R3HDM1: variants seen among roughly 807,000 people sequenced by gnomAD.
The protein encoded by R3HDM1 is R3H domain containing 1.
Under a neutral mutation model 141.1 loss-of-function variants are expected in R3HDM1, and 46 were observed. That is an observed-to-expected ratio of 0.33 (90% CI 0.26 to 0.42). The LOEUF (loss-of-function observed/expected upper bound fraction) is 0.42, where lower values mean the gene tolerates loss of function less well. R3HDM1 is among the 10% of genes least tolerant of loss of function. R3HDM1 has a pLI of 1.00. For synonymous variants in R3HDM1, 435 were observed against 472.9 expected (o/e 0.92, Z 1.04); for missense variants, 1,184 against 1,368.3 (o/e 0.87, Z 2.12).
At chr2:135,587,870 T>C (rs1708294637) in intron 1 of R3HDM1, among the ~76,000 whole-genome samples, 1 of 151,964 alleles carries the variant, frequency 6.6e-6, no homozygotes, top group Admixed American at 6.6e-5. Context: ...CCTCTTGATT[T>C]ATCTCATCTC....
intron 7 of R3HDM1, 70 bp downstream of exon 7, chr2:135,622,802 A>G: frequency 6.9e-7 from 1 of 1,459,832 alleles, no homozygotes; most frequent in South Asian, 1.4e-5. Context: ...TGTTTTCATT[A>G]TTGAGTTAGA....
intron 21 of R3HDM1, among the ~76,000 whole-genome samples, chr2:135,706,083 T>G (rs1219846953): frequency 6.7e-6 from 1 of 149,546 alleles, no homozygotes; most frequent in African/African-American, 2.5e-5. Context: ...GAGCCAAGAT[T>G]GCGCCACTGC....
intron 1 of R3HDM1, among the ~76,000 whole-genome samples, chr2:135,561,714 G>A (rs565192615): frequency 6.7e-6 from 1 of 148,804 alleles, no homozygotes; most frequent in Admixed American, 6.6e-5. Flanking sequence ...GTGAGGTCCT[G>A]TCTCAAAAAC....
intron 5 of R3HDM1, chr2:135,620,242 A>G: frequency 1.1e-6 from 1 of 933,070 alleles, no homozygotes; most frequent in Non-Finnish European, 1.3e-6. Flanking sequence ...TTGAGTAACC[A>G]GAATAGTAGT....
intron 21 of R3HDM1, among the ~76,000 whole-genome samples, chr2:135,704,470 A>G (rs2074625681): frequency 8.2e-6 from 1 of 122,138 alleles, no homozygotes; most frequent in Non-Finnish European, 1.7e-5. Flanking sequence ...TACAAAATGC[A>G]TGCATGCTTT....
intron 1 of R3HDM1, among the ~76,000 whole-genome samples, chr2:135,577,855 A>T (rs1489244708): frequency 6.6e-6 from 1 of 151,742 alleles, no homozygotes; most frequent in Non-Finnish European, 1.5e-5. Flanking sequence ...AAAAAAAAAA[A>T]AAAAGTGAAA....
chr2:135,671,099 C>T (rs1031207058), intron 19 of R3HDM1, among the ~76,000 whole-genome samples: 2 of 150,450 alleles, frequency 1.3e-5, no homozygotes, highest in Non-Finnish European at 3.0e-5. Flanking sequence ...TAAAAATATT[C>T]AAATAATACC....
chr2:135,553,039 CA>C (rs1700111441), intron 1 of R3HDM1, among the ~76,000 whole-genome samples: 1 of 152,050 alleles, frequency 6.6e-6, no homozygotes, highest in Admixed American at 6.6e-5. Context: ...CCACCGCATC[CA>C]GTTAATTTTT....
intron 21 of R3HDM1, among the ~76,000 whole-genome samples, chr2:135,682,454 TGA>T (rs1398791677): frequency 1.3e-5 from 2 of 152,144 alleles, no homozygotes; most frequent in East Asian, 3.9e-4. Flanking sequence ...TGGATACAGG[TGA>T]GAGAGCATAA....
intron 21 of R3HDM1, among the ~76,000 whole-genome samples, chr2:135,685,511 C>T (rs571931585): frequency 2.6e-5 from 4 of 152,208 alleles, no homozygotes; most frequent in South Asian, 2.1e-4. Flanking sequence ...ACTGATATAC[C>T]GAACTTTTTT....
intron 19 of R3HDM1, chr2:135,665,317 T>C (rs1014813236): frequency 4.3e-6 from 2 of 469,976 alleles, no homozygotes; most frequent in Non-Finnish European, 8.9e-6. Flanking sequence ...TCTGTGTAGC[T>C]TTTATTATTC....
Position 135,709,466 on chromosome 2 carries a change from A to C in R3HDM1, c.2493A>C (p.Ser831=). 1 of 1,614,184 alleles carries C rather than the reference A, an allele frequency of 6.2e-7. No individual in the cohort carries two copies. Among genetic ancestry groups the C allele is most frequent in the Non-Finnish European group, 8.5e-7 (1 of 1,180,024 alleles). Residue 831 remains serine (S), a synonymous_variant, in exon 22 of 27, where the codon TCA becomes TCC. Coordinates refer to ENST00000683871, the MANE Select transcript of R3HDM1 (RefSeq NM_001378107.1). Reference sequence around the variant, plus strand: ...TAGGTTACCTGCAACATCCAGGATCAGAACAAGTACAATTTCCTCGAACCA... The same window carrying C: ...TAGGTTACCTGCAACATCCAGGATCCGAACAAGTACAATTTCCTCGAACCA... ...SSVGYLQHPG[S]EQVQFPRTTS... is the part of the protein sequence containing the mutation.
chr2:135,605,201 G>A (rs905502915), intron 3 of R3HDM1, 185 bp downstream of exon 3: 48 of 442,400 alleles, frequency 1.1e-4, no homozygotes, highest in Middle Eastern at 6.1e-4. Flanking sequence ...CTTGTATCAT[G>A]TAATATACTT....
chr2:135,652,366 G>A (rs911704605), intron 18 of R3HDM1, among the ~76,000 whole-genome samples: 17 of 152,174 alleles, frequency 1.1e-4, no homozygotes, highest in African/African-American at 3.1e-4. Context: ...AGTGGCTCAC[G>A]CCTGTAATCC....
At chr2:135,618,724 A>T (rs900337744) in intron 5 of R3HDM1, among the ~76,000 whole-genome samples, 2 of 152,164 alleles carry the variant, frequency 1.3e-5, no homozygotes, top group Non-Finnish European at 2.9e-5. Context: ...CAGCACTTTT[A>T]AAAAGTTCTT....
chr2:135,608,309 C>G (rs2060251771), intron 3 of R3HDM1, among the ~76,000 whole-genome samples: 1 of 151,340 alleles, frequency 6.6e-6, no homozygotes, highest in Non-Finnish European at 1.5e-5. Flanking sequence ...CAGCGAGACT[C>G]CATCTCAAAA....
intron 21 of R3HDM1, among the ~76,000 whole-genome samples, chr2:135,685,991 A>G (rs1045162004): frequency 2.6e-5 from 4 of 151,216 alleles, no homozygotes; most frequent in African/African-American, 4.9e-5. Flanking sequence ...TGTAATTCAG[A>G]AAAAAAAAGG....
At chr2:135,703,488 T>C (rs1012540198) in intron 21 of R3HDM1, among the ~76,000 whole-genome samples, 3 of 152,212 alleles carry the variant, frequency 2.0e-5, no homozygotes, top group Non-Finnish European at 2.9e-5. Context: ...CTGGCAGTTA[T>C]ATAATCCCTG....
At chr2:135,618,741 A>AG (rs2061288839) in intron 5 of R3HDM1, among the ~76,000 whole-genome samples, 1 of 152,156 alleles carries the variant, frequency 6.6e-6, no homozygotes, top group South Asian at 2.1e-4. Flanking sequence ...TCTTTTGGCC[A>AG]GGGACAGTGG....
Sources: allele counts gnomAD v4.1 joint callset (sites outside exome capture counted in the v4.1 genomes callset), GRCh38; gene constraint gnomAD v4.1.1; transcripts MANE v1.5; gene names NCBI Gene and HGNC (gene_info 2026-07-23, HGNC 2026-07-21).